Variants in FARP1 observed in about 807,000 individuals in gnomAD.
FARP1 encodes the protein FERM, ARH/RhoGEF and pleckstrin domain protein 1, also known as FERM, ARHGEF and pleckstrin domain-containing protein 1.
Under a neutral mutation model 128.8 loss-of-function variants are expected in FARP1, and 52 were observed. The ratio of observed to expected loss-of-function variants is 0.40; its 90% CI spans 0.32 to 0.51. FARP1 has a LOEUF of 0.51. FARP1 is among the 20% of genes least tolerant of loss of function. The probability of loss-of-function intolerance (pLI) is 0.45; values close to 1 mark genes in which losing one functional copy is unlikely to be tolerated. For synonymous variants in FARP1, 580 were observed against 551.8 expected (o/e 1.05, Z -0.72); for missense variants, 1,333 against 1,367.9 (o/e 0.97, Z 0.40).
intron 2 of FARP1, chr13:98,333,142 C>T (rs1342849130): frequency 6.6e-6 from 1 of 152,134 alleles, no homozygotes; most frequent in Non-Finnish European, 1.5e-5. Context: ...GTCCTACTTT[C>T]TACAAGCAGT....
Position 98,389,949 on chromosome 13 carries a change from C to G in FARP1, c.856-8C>G. The G allele has an allele frequency of 1.2e-6, 2 of 1,613,598 alleles. No individual in the cohort carries two copies. The highest frequency in any genetic ancestry group is 8.5e-7 in the Non-Finnish European group (1 of 1,179,826). On this transcript the variant is annotated splice_polypyrimidine_tract_variant and splice_region_variant and intron_variant, in intron 9 of 26. Transcript: ENST00000319562. ...GGAAAAAACCACCGTTGTATTTTCC[C>G]TTTTTAGAGTGCGTACCAGGATACC...
intron 2 of FARP1, among the ~76,000 whole-genome samples, chr13:98,219,811 AC>A (rs2046363764): frequency 6.6e-6 from 1 of 151,454 alleles, no homozygotes; most frequent in Non-Finnish European, 1.5e-5. Context: ...GACTACAGGC[AC>A]GCATCACCAC....
intron 2 of FARP1, among the ~76,000 whole-genome samples, chr13:98,228,895 T>C (rs2389991): frequency 0.16 from 24,920 of 152,264 alleles, 5,019 homozygotes; most frequent in East Asian, 0.5. Flanking sequence ...TATTTTCTAG[T>C]AGTTGCTATA....
intron 1 of FARP1, among the ~76,000 whole-genome samples, chr13:98,179,640 G>A (rs1360844451): frequency 3.6e-4 from 54 of 152,000 alleles, no homozygotes; most frequent in Non-Finnish European, 2.9e-5. Flanking sequence ...TGAGGCAGGT[G>A]GATCACGAGG....
intron 1 of FARP1, among the ~76,000 whole-genome samples, chr13:98,152,895 T>A (rs1876115627): frequency 6.6e-6 from 1 of 152,126 alleles, no homozygotes; most frequent in Non-Finnish European, 1.5e-5. Flanking sequence ...TAAGCTGGCC[T>A]TGCAGGGCAT....
intron 18 of FARP1, chr13:98,432,830 G>GGGTCTGCAGGCAGGTACCTGGGTGCTGGA (rs1213265998): frequency 1.3e-5 from 2 of 149,796 alleles, no homozygotes; most frequent in Non-Finnish European, 1.5e-5. Context: ...ACCCACTGGA[G>GGGTCTGCAGGCAGGTACCTGGGTGCTGGA]GGTCTGCAGG....
chr13:98,403,187 G>A (rs2140096883), intron 13 of FARP1: 1 of 151,480 alleles, frequency 6.6e-6, no homozygotes, highest in African/African-American at 2.4e-5. Context: ...AAGCTTTCAT[G>A]TGGAAGCATC....
At chr13:98,290,683 C>T (rs1016564393) in intron 2 of FARP1, among the ~76,000 whole-genome samples, 10 of 152,206 alleles carry the variant, frequency 6.6e-5, no homozygotes, top group East Asian at 1.9e-4. Context: ...AGACCAATGG[C>T]GGTGGCTTTG....
At chr13:98,293,814 G>T (rs1885547980) in intron 2 of FARP1, among the ~76,000 whole-genome samples, 1 of 152,132 alleles carries the variant, frequency 6.6e-6, no homozygotes, top group African/African-American at 2.4e-5. Flanking sequence ...TGGGAAGAAA[G>T]GGCCAGGCAT....
intron 2 of FARP1, chr13:98,245,309 T>G (rs915466392): frequency 1.1e-4 from 107 of 985,178 alleles, no homozygotes; most frequent in Non-Finnish European, 1.3e-4. Flanking sequence ...CTTTAATACA[T>G]GTTTGTCTTA....
At chr13:98,279,027 G>A (rs1018175983) in intron 2 of FARP1, among the ~76,000 whole-genome samples, 1 of 150,714 alleles carries the variant, frequency 6.6e-6, no homozygotes, top group Non-Finnish European at 1.5e-5. Flanking sequence ...AGTAGAAATG[G>A]GGTTTCACTG....
chr13:98,429,819 G>A (rs187801325), intron 17 of FARP1, among the ~76,000 whole-genome samples: 38 of 152,330 alleles, frequency 2.5e-4, no homozygotes, highest in East Asian at 3.9e-4. Context: ...TGGGCTACTC[G>A]CCTGTGCCAG....
intron 2 of FARP1, among the ~76,000 whole-genome samples, chr13:98,251,139 A>G (rs1215744328): frequency 6.6e-6 from 1 of 152,242 alleles, no homozygotes; most frequent in East Asian, 1.9e-4. Flanking sequence ...CATAAAGAAT[A>G]TTAAATCTTA....
At chr13:98,351,625 A>AT (rs992669043) in intron 3 of FARP1, among the ~76,000 whole-genome samples, 8 of 151,454 alleles carry the variant, frequency 5.3e-5, no homozygotes, top group Admixed American at 5.3e-4. Flanking sequence ...AAAAAAAAAA[A>AT]AGAAAGAAAA....
intron 5 of FARP1, among the ~76,000 whole-genome samples, chr13:98,370,881 C>T (rs1889296360): frequency 6.6e-6 from 1 of 152,144 alleles, no homozygotes; most frequent in Non-Finnish European, 1.5e-5. Context: ...TGGCAGAAAG[C>T]AGCAGCCTTC....
intron 1 of FARP1, among the ~76,000 whole-genome samples, chr13:98,170,206 CAG>C (rs1183421013): frequency 1.1e-4 from 17 of 152,022 alleles, no homozygotes; most frequent in Admixed American, 5.2e-4. Context: ...GTTTTTGATA[CAG>C]AGTCTTACTC....
At chr13:98,287,876 A>G (rs1885265634) in intron 2 of FARP1, among the ~76,000 whole-genome samples, 1 of 141,838 alleles carries the variant, frequency 7.1e-6, no homozygotes, top group Admixed American at 7.6e-5. Context: ...GTCTCGGCTC[A>G]CTGCAACCTC....
At chr13:98,190,367 T>C (rs1163086769) in intron 1 of FARP1, among the ~76,000 whole-genome samples, 4 of 152,234 alleles carry the variant, frequency 2.6e-5, no homozygotes. Context: ...TTTCTAGAGA[T>C]ACATTCATTA....
rs960293487 is a variant in FARP1, at chr13:98,411,992, A to G, written c.1784A>G (p.His595Arg). The change falls in exon 16 of 27, where the codon CAT (histidine) becomes CGT (arginine). Residue 595 changes from histidine to arginine, a missense_variant. His to Arg is a conservative substitution (Grantham distance 29, BLOSUM62 0). Transcript: ENST00000319562. ...AATTTTGAACCTTTGCACAAATTTCATACTAATTTTCTCAAGGAAATTGAG... is the reference window on the plus strand; with the variant it reads ...AATTTTGAACCTTTGCACAAATTTCGTACTAATTTTCTCAAGGAAATTGAG... ...FPNFEPLHKF[H>R]TNFLKEIEQR... 5.6e-6 allele frequency: 9 copies of G among 1,614,138 alleles called. No homozygotes were observed. Among genetic ancestry groups the G allele is most frequent in the Non-Finnish European group, 7.6e-6 (9 of 1,179,944 alleles).
Sources: gnomAD v4.1 joint callset for allele counts (sites outside exome capture counted in the v4.1 genomes callset) on GRCh38, gnomAD v4.1.1 for gene constraint, MANE v1.5 for transcripts, NCBI Gene and HGNC (gene_info 2026-07-23, HGNC 2026-07-21) for gene names.